LRRTM4: variants seen among roughly 807,000 people sequenced by gnomAD.
LRRTM4 encodes the protein leucine rich repeat transmembrane neuronal 4, also known as leucine-rich repeat transmembrane neuronal protein 4.
A neutral mutation model predicts 47.6 loss-of-function variants in LRRTM4; 25 were observed. That is an observed-to-expected ratio of 0.53 (90% CI 0.38 to 0.73). The LOEUF is 0.73. Ranked by LOEUF, LRRTM4 falls within the 30% of genes least tolerant of loss-of-function variation. The pLI, the probability that LRRTM4 is intolerant of heterozygous loss-of-function variation, is 0.00. For missense variants in LRRTM4, 638 were observed against 713.4 expected, an observed-to-expected ratio of 0.89 and a Z score of 1.20; for synonymous variants, 311 against 269.5, an observed-to-expected ratio of 1.15 and a Z score of -1.51.
At chr2:77,390,897 T>C (rs1673478011) in intron 3 of LRRTM4, among the ~76,000 whole-genome samples, 2 of 151,676 alleles carry the variant, frequency 1.3e-5, no homozygotes, top group Admixed American at 6.6e-5. Context: ...AATGCAAAGA[T>C]TGTTAGAGAA....
At chr2:76,750,582 T>C (rs1297038612) in intron 3 of LRRTM4, among the ~76,000 whole-genome samples, 2 of 152,220 alleles carry the variant, frequency 1.3e-5, no homozygotes, top group African/African-American at 4.8e-5. Context: ...AATTAAGTTG[T>C]TTTGATTTTA....
At chr2:76,873,520 A>ATACATATATATATATATATATG (rs1672695673) in intron 3 of LRRTM4, among the ~76,000 whole-genome samples, 10 of 143,568 alleles carry the variant, frequency 7.0e-5, no homozygotes, top group South Asian at 2.1e-4. Flanking sequence ...ATATATATAT[A>ATACATATATATATATATATATG]TATATATATA....
intron 3 of LRRTM4, among the ~76,000 whole-genome samples, chr2:77,215,417 T>C (rs1674409027): frequency 6.6e-6 from 1 of 152,218 alleles, no homozygotes; most frequent in Admixed American, 6.5e-5. Flanking sequence ...AATTGGACAC[T>C]TGTATGCCTA....
rs146237539 is a variant in LRRTM4, at chr2:77,255,611, G to A, written c.1551+262707C>T. 6.2e-3 allele frequency among the ~76,000 whole-genome samples: 939 copies of A among 151,964 alleles called. 8 individuals are homozygous for A. Among genetic ancestry groups the A allele is most frequent in the African/African-American group, 0.021 (863 of 41,488 alleles). On this transcript the variant is annotated intron_variant, in intron 3 of 3. Coordinates refer to ENST00000409884, the MANE Select transcript of LRRTM4 (RefSeq NM_001134745.3). ...GGCATCAGAGTAGCTATCAATAATA[G>A]CACAATAACAGGAAAATCCACAAAT...
At chr2:77,221,037 T>C (rs1674611521) in intron 3 of LRRTM4, among the ~76,000 whole-genome samples, 1 of 152,082 alleles carries the variant, frequency 6.6e-6, no homozygotes, top group Non-Finnish European at 1.5e-5. Context: ...CAGAAGAGAG[T>C]GGGGGCCAAT....
At chr2:77,094,674 A>T (rs903382967) in intron 3 of LRRTM4, among the ~76,000 whole-genome samples, 1 of 152,196 alleles carries the variant, frequency 6.6e-6, no homozygotes, top group African/African-American at 2.4e-5. Context: ...CCAAACACAC[A>T]TTGGGTCAAG....
rs372770864 is a variant in LRRTM4, at chr2:76,882,784, C to G, written c.1552-133868G>C. Among the ~76,000 whole-genome samples, 3 of 152,112 alleles carry G rather than the reference C, an allele frequency of 2.0e-5. No individual in the cohort carries two copies. In the East Asian group the frequency reaches 5.8e-4, roughly 30 times the overall value. On this transcript the variant is annotated intron_variant, in intron 3 of 3. Coordinates refer to ENST00000409884, the MANE Select transcript of LRRTM4 (RefSeq NM_001134745.3). Reference sequence around the variant, plus strand: ...ACTTTTTCCATTCAGGTTATTGTCTCCACCATCCACCAGGTCTCACAAATG... The same window carrying G: ...ACTTTTTCCATTCAGGTTATTGTCTGCACCATCCACCAGGTCTCACAAATG...
intron 3 of LRRTM4, among the ~76,000 whole-genome samples, chr2:76,923,395 T>A (rs1674493183): frequency 6.6e-6 from 1 of 151,922 alleles, no homozygotes; most frequent in Non-Finnish European, 1.5e-5. Context: ...TACATAAATT[T>A]ACTATTAAAT....
At chr2:77,515,398 C>T (rs1679169080) in intron 3 of LRRTM4, among the ~76,000 whole-genome samples, 1 of 151,644 alleles carries the variant, frequency 6.6e-6, no homozygotes, top group African/African-American at 2.4e-5. Context: ...TTTAAAAAAT[C>T]CTTTTAAAAG....
At chr2:76,855,857 T>C (rs1206730673) in intron 3 of LRRTM4, among the ~76,000 whole-genome samples, 1 of 151,966 alleles carries the variant, frequency 6.6e-6, no homozygotes, top group Non-Finnish European at 1.5e-5. Flanking sequence ...TATTGAAGGG[T>C]AAGAAGCAGT....
At chr2:76,844,847 T>A (rs1315174160) in intron 3 of LRRTM4, among the ~76,000 whole-genome samples, 1 of 152,128 alleles carries the variant, frequency 6.6e-6, no homozygotes, top group African/African-American at 2.4e-5. Flanking sequence ...AGAGATTGAT[T>A]AGTCTTTTTA....
chr2:76,748,390 G>A lies in LRRTM4; in HGVS notation c.*305C>T. ...ATCAAATATACAAACAAACCTATAT[G>A]TAGCTAGGGTGAAATCTATTTTTAT... On this transcript the variant is annotated 3_prime_UTR_variant, in exon 4 of 4. Coordinates refer to ENST00000409884, the MANE Select transcript of LRRTM4 (RefSeq NM_001134745.3). The A allele has an allele frequency of 2.9e-6, 1 of 347,092 alleles. No homozygotes were observed. Among genetic ancestry groups the A allele is most frequent in the Non-Finnish European group, 5.4e-6 (1 of 185,850 alleles). The allele number at this position is 347,092 out of a possible 1,614,324, so 21.5% of individuals were successfully genotyped here.
intron 3 of LRRTM4, among the ~76,000 whole-genome samples, chr2:77,254,422 G>T (rs6721580): frequency 0.12 from 18,684 of 151,682 alleles, 3,850 homozygotes; most frequent in African/African-American, 0.42. Context: ...TACCCTAAAA[G>T]AACAGATTTA....
rs533563659 is a variant in LRRTM4 at position 77,064,942 on chromosome 2, TACA to T, written c.1552-316029_1552-316027del. 1.1e-4 allele frequency among the ~76,000 whole-genome samples: 16 copies of T among 152,266 alleles called. No homozygotes were observed. The South Asian group carries it at 2.9e-3, about 28-fold the overall frequency. On this transcript the variant is annotated intron_variant, in intron 3 of 3. Coordinates refer to ENST00000409884, the MANE Select transcript of LRRTM4 (RefSeq NM_001134745.3). ...ACATTCTGGAGCCTGCCCATTCCCA[TACA>T]ACTAGTCCTTAGATATTATATGACT...
At chr2:77,385,339 T>A (rs1396248120) in intron 3 of LRRTM4, among the ~76,000 whole-genome samples, 2 of 152,134 alleles carry the variant, frequency 1.3e-5, no homozygotes, top group African/African-American at 4.8e-5. Flanking sequence ...AACAACTACA[T>A]TAACAATAGG....
chr2:76,841,024 C>A (rs1169550926), intron 3 of LRRTM4, among the ~76,000 whole-genome samples: 1 of 149,908 alleles, frequency 6.7e-6, no homozygotes, highest in Non-Finnish European at 1.5e-5. Context: ...TGGAACCAAC[C>A]CAAATGTCCA....
At chr2:77,367,291 T>TC (rs1226273481) in intron 3 of LRRTM4, among the ~76,000 whole-genome samples, 1 of 151,384 alleles carries the variant, frequency 6.6e-6, no homozygotes, top group Non-Finnish European at 1.5e-5. Context: ...TTTGATTTTT[T>TC]TAATGTCACT....
chr2:76,889,874 T>C (rs1673196369), intron 3 of LRRTM4, among the ~76,000 whole-genome samples: 4 of 151,780 alleles, frequency 2.6e-5, no homozygotes, highest in Admixed American at 2.0e-4. Context: ...GGTAGGATGA[T>C]TGCAAAAGCA....
intron 3 of LRRTM4, among the ~76,000 whole-genome samples, chr2:77,389,490 G>A (rs1006458677): frequency 1.4e-4 from 21 of 152,052 alleles, no homozygotes; most frequent in African/African-American, 5.1e-4. Flanking sequence ...ATTATCAGGT[G>A]ATTATTTACT....
Sources: allele counts gnomAD v4.1 joint callset (sites outside exome capture counted in the v4.1 genomes callset), GRCh38; gene constraint gnomAD v4.1.1; transcripts MANE v1.5; gene names NCBI Gene and HGNC (gene_info 2026-07-23, HGNC 2026-07-21).